The following YKT6 variants were observed in gnomAD, a reference collection of about 807,000 sequenced individuals.
The protein encoded by YKT6 is YKT6 vesicular SNARE protein.
YKT6 carries 12 observed loss-of-function variants against 29.3 expected under a neutral mutation model. The observed-to-expected ratio is 0.41, with a 90% CI of 0.26 to 0.66. The LOEUF (loss-of-function observed/expected upper bound fraction) is 0.66. Among genes scored for constraint, YKT6 ranks in the 30% least tolerant of loss-of-function variants. YKT6 has a pLI of 0.32. For missense variants in YKT6, 188 were observed against 243.8 expected (o/e 0.77, Z 1.52); for synonymous variants, 86 against 94.3 (o/e 0.91, Z 0.51).
At chr7:44,211,641 G>A in intron 6 of YKT6, 4 of 998,892 alleles carry the variant, frequency 4.0e-6, no homozygotes, top group Non-Finnish European at 4.8e-6. Context: ...AGATGGCACT[G>A]TTGGCCCATG....
chr7:44,210,720 G>T, intron 5 of YKT6: 4 of 453,142 alleles, frequency 8.8e-6, no homozygotes, highest in South Asian at 6.7e-5. Flanking sequence ...ATAAATGTGT[G>T]TGTATATATA....
chr7:44,205,749 GACCTGTACAACTGT>G (rs764234461), intron 2 of YKT6, among the ~76,000 whole-genome samples: 59 of 152,306 alleles, frequency 3.9e-4, no homozygotes, highest in Non-Finnish European at 4.7e-4. Flanking sequence ...TTTTGCGGAA[GACCTGTACAACTGT>G]ACCTTTCAAT....
At chr7:44,206,847 C>T (rs1202582540) in intron 3 of YKT6, among the ~76,000 whole-genome samples, 1 of 152,180 alleles carries the variant, frequency 6.6e-6, no homozygotes, top group African/African-American at 2.4e-5. Context: ...TTGCTGCATC[C>T]CTCTACCTTG....
chr7:44,203,884 C>T (rs976653314), intron 1 of YKT6, among the ~76,000 whole-genome samples: 2 of 152,196 alleles, frequency 1.3e-5, no homozygotes, highest in African/African-American at 4.8e-5. Context: ...CTTGTCAGCA[C>T]CTCTTCCTCT....
intron 5 of YKT6, 119 bp from the exon 6 acceptor site, chr7:44,210,904 A>G (rs756206498): frequency 7.5e-6 from 7 of 938,074 alleles, no homozygotes; most frequent in Non-Finnish European, 1.0e-5. Flanking sequence ...CTAGAGGTGA[A>G]GTTTGTGTGT....
intron 1 of YKT6, among the ~76,000 whole-genome samples, chr7:44,202,366 T>G (rs1269511467): frequency 1.3e-5 from 2 of 152,226 alleles, no homozygotes; most frequent in African/African-American, 2.4e-5. Context: ...ATTGATAGTG[T>G]TGTGCAGCCA....
At chr7:44,212,190 G>A in intron 6 of YKT6, 57 bp from the exon 7 acceptor site, 1 of 1,610,350 alleles carries the variant, frequency 6.2e-7, no homozygotes, top group South Asian at 1.1e-5. Flanking sequence ...TGCCAGGATT[G>A]GGGCTTCCCT....
chr7:44,207,031 C>T (rs2128839546), intron 3 of YKT6, among the ~76,000 whole-genome samples: 1 of 152,284 alleles, frequency 6.6e-6, no homozygotes, highest in South Asian at 2.1e-4. Flanking sequence ...TCTAGGGGAC[C>T]TAATTCTCTT....
At chr7:44,210,882 G>C (rs762775457) in intron 5 of YKT6, 141 bp from the exon 6 acceptor site, 1 of 762,510 alleles carries the variant, frequency 1.3e-6, no homozygotes, top group Non-Finnish European at 2.3e-6. Flanking sequence ...TTCTTGGACC[G>C]AGTCTCGACA....
intron 4 of YKT6, 29 bp from the exon 5 acceptor site, chr7:44,208,104 T>C (rs1228710093): frequency 1.2e-6 from 2 of 1,612,172 alleles, no homozygotes; most frequent in Admixed American, 1.7e-5. Context: ...ACTCCAGTCC[T>C]GACTTTATTA....
At chr7:44,211,470 C>G in intron 6 of YKT6, 1 of 895,634 alleles carries the variant, frequency 1.1e-6, no homozygotes, top group Non-Finnish European at 1.4e-6. Flanking sequence ...ATTCCTCTTT[C>G]TGCTGAGTAG....
intron 1 of YKT6, among the ~76,000 whole-genome samples, chr7:44,203,095 A>C (rs2096337500): frequency 6.6e-6 from 1 of 152,042 alleles, no homozygotes; most frequent in Non-Finnish European, 1.5e-5. Flanking sequence ...TGATTTATTT[A>C]TTTATTTATT....
At chr7:44,209,457 T>C (rs2096344380) in intron 5 of YKT6, among the ~76,000 whole-genome samples, 1 of 152,212 alleles carries the variant, frequency 6.6e-6, no homozygotes, top group Admixed American at 6.5e-5. Flanking sequence ...GCCATCTCTT[T>C]CTGTTGCTCA....
In YKT6 at chr7:44,213,175, A is replaced by G. The variant is rs569638463; in HGVS notation, c.*893A>G. The G allele has an allele frequency of 1.3e-5, 2 of 152,428 alleles. No homozygotes were observed. Among genetic ancestry groups the G allele is most frequent in the African/African-American group, 4.8e-5 (2 of 41,598 alleles). 9.4% of individuals were successfully genotyped at this position (152,428 alleles called of 1,614,324 possible). A position where few individuals can be genotyped will look rare whatever the true frequency, so the allele number is the denominator to read the frequency against. On this transcript the variant is annotated 3_prime_UTR_variant, in exon 7 of 7. Transcript: ENST00000223369. The stretch of plus-strand genomic sequence containing the variant: ...CCTTGACTTGCAACTTGCCTTGAAC[A>G]TCACGATCAAAGCAGCAGGTGCTGT...
rs145074101 is a variant in YKT6 at position 44,210,480 on chromosome 7, A to G, written c.460-543A>G. Among the ~76,000 whole-genome samples the G allele has an allele frequency of 3.1e-4, 47 of 152,322 alleles. 4 individuals are homozygous for G. The East Asian group carries it at 5.8e-3, about 19-fold the overall frequency. On this transcript the variant is annotated intron_variant, in intron 5 of 6. Transcript: ENST00000223369. ...ATGGAATTAGATGCCACCCTAATCC[A>G]GTATTACCTCTTCCTAACTAGTTAC...
chr7:44,204,538 T>G, intron 1 of YKT6, 30 bp from the exon 2 acceptor site: 1 of 1,610,890 alleles, frequency 6.2e-7, no homozygotes, highest in Non-Finnish European at 8.5e-7. Context: ...TGATAAGAAG[T>G]AGGCAATAAA....
intron 5 of YKT6, chr7:44,210,680 G>GCACA (rs3837149): frequency 4.8e-5 from 17 of 354,994 alleles, no homozygotes; most frequent in Admixed American, 1.1e-4. Flanking sequence ...ACATGTGCGT[G>GCACA]CACACACACA....
intron 2 of YKT6, 126 bp from the exon 3 acceptor site, chr7:44,206,259 C>A: frequency 2.2e-6 from 2 of 905,976 alleles, no homozygotes; most frequent in Non-Finnish European, 1.7e-6. Context: ...ACAAGACTTG[C>A]CCAGAGCTAT....
In YKT6 at chr7:44,212,606, C is replaced by T. The variant is rs1296275740; in HGVS notation, c.*324C>T. 4 of 327,268 alleles carry T rather than the reference C, an allele frequency of 1.2e-5. No individual in the cohort carries two copies. Among genetic ancestry groups the T allele is most frequent in the Admixed American group, 4.7e-5 (1 of 21,170 alleles). 20.3% of individuals were successfully genotyped at this position (327,268 alleles called of 1,614,324 possible). ...TGGGAAGGCTCTGTGGGAGGGAGGT[C>T]GGAGCCAGCTGTTTCTCGATCTTTG... is the stretch of plus-strand genomic sequence containing the variant. On this transcript the variant is annotated 3_prime_UTR_variant, in exon 7 of 7. Transcript: ENST00000223369.
Sources: gnomAD v4.1 joint callset for allele counts (sites outside exome capture counted in the v4.1 genomes callset) on GRCh38, gnomAD v4.1.1 for gene constraint, MANE v1.5 for transcripts, NCBI Gene and HGNC (gene_info 2026-07-23, HGNC 2026-07-21) for gene names.